CAMKMT: variants seen among roughly 807,000 people sequenced by gnomAD.
CAMKMT encodes the protein CaM KMT.
In CAMKMT, 53 loss-of-function variants were observed where a neutral mutation model predicts 48.0. The ratio of observed to expected loss-of-function variants is 1.10; its 90% CI spans 0.89 to 1.39. The LOEUF (loss-of-function observed/expected upper bound fraction) is 1.39, where lower values mean the gene tolerates loss of function less well. Among genes scored for constraint, CAMKMT ranks in the 40% most tolerant of loss-of-function variants. The probability of loss-of-function intolerance (pLI) is 0.00; values close to 1 mark genes in which losing one functional copy is unlikely to be tolerated. For synonymous variants in CAMKMT, 165 were observed against 152.3 expected, an observed-to-expected ratio of 1.08 and a Z score of -0.61; for missense variants, 428 against 402.7, an observed-to-expected ratio of 1.06 and a Z score of -0.54.
At chr2:44,548,829 G>A (rs930770274) in intron 3 of CAMKMT, among the ~76,000 whole-genome samples, 2 of 152,090 alleles carry the variant, frequency 1.3e-5, no homozygotes, top group Non-Finnish European at 2.9e-5. Context: ...GAAGAATGAG[G>A]TTGGAAGCAG....
chr2:44,664,604 A>C (rs1674855666), intron 3 of CAMKMT, among the ~76,000 whole-genome samples: 1 of 152,252 alleles, frequency 6.6e-6, no homozygotes, highest in South Asian at 2.1e-4. Context: ...TACAACCCTA[A>C]GGTGTTTATA....
At position 44,653,569 on chromosome 2, in the gene CAMKMT, G is replaced by A. The variant is rs79889480; in HGVS notation, c.377-50714G>A. Reference sequence around the variant, plus strand: ...TAGAGCCCATTTCTCTTATACTCCAGTCATCCAAGGATTATAAAGGAATGG... The same window carrying A: ...TAGAGCCCATTTCTCTTATACTCCAATCATCCAAGGATTATAAAGGAATGG... On this transcript the variant is annotated intron_variant, in intron 3 of 10. Transcript: ENST00000378494. The surrounding 1 kb of genome is among the most constrained non-coding windows in gnomAD (Gnocchi z 5.2). 1.7e-3 allele frequency among the ~76,000 whole-genome samples: 266 copies of A among 152,264 alleles called. No individual in the cohort carries two copies. The highest frequency in any genetic ancestry group is 2.9e-3 in the Non-Finnish European group (200 of 68,036).
intron 3 of CAMKMT, among the ~76,000 whole-genome samples, chr2:44,500,633 A>G (rs17581138): frequency 0.083 from 12,566 of 150,984 alleles, 1,144 homozygotes; most frequent in East Asian, 0.35. Flanking sequence ...TTTGTCACAT[A>G]TTAGTTGACT....
chr2:44,754,804 A>T (rs1680297081), intron 9 of CAMKMT, among the ~76,000 whole-genome samples: 1 of 152,154 alleles, frequency 6.6e-6, no homozygotes, highest in African/African-American at 2.4e-5. Flanking sequence ...CGGAGAGTTA[A>T]TATACATCTA....
chr2:44,758,357 G>C (rs868545406), intron 9 of CAMKMT, among the ~76,000 whole-genome samples: 1 of 152,260 alleles, frequency 6.6e-6, no homozygotes, highest in Middle Eastern at 3.4e-3. Flanking sequence ...TGGGCTCCTT[G>C]CTTGGCCCAG....
At chr2:44,489,580 C>G (rs1456301575) in intron 3 of CAMKMT, among the ~76,000 whole-genome samples, 1 of 152,014 alleles carries the variant, frequency 6.6e-6, no homozygotes, top group Non-Finnish European at 1.5e-5. Flanking sequence ...CGTGGAAGAA[C>G]TCCAAAATGA....
At chr2:44,517,547 G>A (rs1044031228) in intron 3 of CAMKMT, among the ~76,000 whole-genome samples, 1 of 152,130 alleles carries the variant, frequency 6.6e-6, no homozygotes, top group Admixed American at 6.6e-5. Flanking sequence ...AACAGGGAGT[G>A]GTGCTTCTTA....
intron 1 of CAMKMT, among the ~76,000 whole-genome samples, 198 bp downstream of exon 1, chr2:44,362,343 G>C (rs974182047): frequency 1.3e-5 from 2 of 152,160 alleles, no homozygotes; most frequent in African/African-American, 4.8e-5. Context: ...GGTTGGGTGG[G>C]GAGCGGGACA....
intron 3 of CAMKMT, among the ~76,000 whole-genome samples, chr2:44,418,098 G>A (rs1290258832): frequency 1.3e-5 from 2 of 151,786 alleles, no homozygotes; most frequent in African/African-American, 2.4e-5. Flanking sequence ...AGGCTGAGGC[G>A]GGAGAATCGA....
At chr2:44,712,164 A>AT (rs1677916339) in intron 6 of CAMKMT, among the ~76,000 whole-genome samples, 1 of 152,052 alleles carries the variant, frequency 6.6e-6, no homozygotes, top group Non-Finnish European at 1.5e-5. Flanking sequence ...CACATTAAGC[A>AT]TTAAAAAAAA....
At chr2:44,562,366 C>G (rs1668366780) in intron 3 of CAMKMT, among the ~76,000 whole-genome samples, 1 of 152,144 alleles carries the variant, frequency 6.6e-6, no homozygotes, top group South Asian at 2.1e-4. Context: ...AGAAGCATAA[C>G]CATTAACAAC....
intron 9 of CAMKMT, among the ~76,000 whole-genome samples, chr2:44,755,743 C>T (rs1400457276): frequency 6.6e-6 from 1 of 152,222 alleles, no homozygotes; most frequent in Non-Finnish European, 1.5e-5. Context: ...CACACTCCCT[C>T]CATCTGAATC....
intron 3 of CAMKMT, among the ~76,000 whole-genome samples, chr2:44,489,278 C>T (rs1180321094): frequency 7.4e-6 from 1 of 135,128 alleles, no homozygotes; most frequent in South Asian, 2.3e-4. Context: ...TGGAGTCTTG[C>T]TCTGTCGCCC....
At chr2:44,596,418 C>T (rs1670668607) in intron 3 of CAMKMT, among the ~76,000 whole-genome samples, 1 of 151,382 alleles carries the variant, frequency 6.6e-6, no homozygotes, top group African/African-American at 2.4e-5. Context: ...CACTGCACTC[C>T]AGGCTGGGTA....
At chr2:44,744,757 C>T (rs922888183) in intron 8 of CAMKMT, among the ~76,000 whole-genome samples, 4 of 151,570 alleles carry the variant, frequency 2.6e-5, no homozygotes, top group African/African-American at 9.7e-5. Flanking sequence ...AACTTTTCTA[C>T]AAAAGTCATT....
intron 10 of CAMKMT, among the ~76,000 whole-genome samples, chr2:44,768,363 T>TATATATATA (rs1558844484): frequency 0.056 from 3,956 of 70,888 alleles, 63 homozygotes; most frequent in Non-Finnish European, 0.08. Context: ...ATATATATAT[T>TATATATATA]TTTTTTTTTT....
At chr2:44,486,410 T>A (rs933426911) in intron 3 of CAMKMT, among the ~76,000 whole-genome samples, 1 of 152,212 alleles carries the variant, frequency 6.6e-6, no homozygotes, top group African/African-American at 2.4e-5. Flanking sequence ...GTTTGTTTGT[T>A]TTTTAGCTTT....
chr2:44,617,965 C>T (rs936002311), intron 3 of CAMKMT, among the ~76,000 whole-genome samples: 25 of 152,178 alleles, frequency 1.6e-4, no homozygotes, highest in African/African-American at 5.8e-4. Flanking sequence ...ATAGCAGAAG[C>T]ATACAACTAT....
Position 44,500,686 on chromosome 2 carries a change from CTT to C in CAMKMT, c.376+110396_376+110397del, listed in dbSNP as rs528633654. ...CAGCATTTTGCCCTTTTCTCAGATACTTTTTTTTTTTTTTTTCTGGAGTCTTG... is the reference window on the plus strand; with the variant it reads ...CAGCATTTTGCCCTTTTCTCAGATACTTTTTTTTTTTTTTCTGGAGTCTTG... On this transcript the variant is annotated intron_variant, in intron 3 of 10. Coordinates refer to ENST00000378494, the MANE Select transcript of CAMKMT (RefSeq NM_024766.5). Among the ~76,000 whole-genome samples, 386 of 138,290 alleles carry C rather than the reference CTT, an allele frequency of 2.8e-3. 2 individuals carry two copies. The highest frequency in any genetic ancestry group is 9.5e-3 in the African/African-American group (361 of 37,942). The allele number at this position is 138,290 out of a possible 152,430, so 90.7% of individuals were successfully genotyped here. A position where few individuals can be genotyped will look rare whatever the true frequency, so the allele number is the denominator to read the frequency against.
Sources: gnomAD v4.1 joint callset for allele counts (sites outside exome capture counted in the v4.1 genomes callset) on GRCh38, gnomAD v4.1.1 for gene constraint, Gnocchi (gnomAD v3.1) non-coding constraint, MANE v1.5 for transcripts, NCBI Gene and HGNC (gene_info 2026-07-23, HGNC 2026-07-21) for gene names.